The following PTPRM variants were observed in gnomAD, a reference collection of about 807,000 sequenced individuals.
PTPRM encodes the protein receptor-type tyrosine-protein phosphatase mu.
A neutral mutation model predicts 186.7 loss-of-function variants in PTPRM; 47 were observed. The ratio of observed to expected loss-of-function variants is 0.25; its 90% CI spans 0.20 to 0.32. PTPRM has a LOEUF of 0.32. Ranked by LOEUF, PTPRM falls within the 10% of genes least tolerant of loss-of-function variation. The probability of loss-of-function intolerance (pLI) is 1.00; values close to 1 mark genes in which losing one functional copy is unlikely to be tolerated. For synonymous variants in PTPRM, 668 were observed against 674.9 expected (o/e 0.99, Z 0.16); for missense variants, 1,494 against 1,865.0 (o/e 0.80, Z 3.66).
intron 7 of PTPRM, among the ~76,000 whole-genome samples, chr18:8,017,550 T>C (rs1278654176): frequency 8.8e-6 from 1 of 113,998 alleles, no homozygotes; most frequent in African/African-American, 3.5e-5. Context: ...GCAACTGCAC[T>C]CCAACCTGGG....
chr18:8,228,676 C>A (rs77781531), intron 14 of PTPRM, among the ~76,000 whole-genome samples: 1 of 82,168 alleles, frequency 1.2e-5, no homozygotes, highest in Non-Finnish European at 2.7e-5. Flanking sequence ...CCAAACTCTA[C>A]TAAAAAAAAA....
chr18:7,948,996 T>G (rs1019365230), intron 5 of PTPRM, among the ~76,000 whole-genome samples, 185 bp from the exon 6 acceptor site: 2 of 152,198 alleles, frequency 1.3e-5, no homozygotes, highest in Non-Finnish European at 2.9e-5. Context: ...CTTTAAGGTG[T>G]TGATCATGGC....
At position 8,122,797 on chromosome 18, in the gene PTPRM, C is replaced by T. The variant is rs1466496024; in HGVS notation, c.2167+7970C>T. On this transcript the variant is annotated intron_variant, in intron 13 of 32. Coordinates refer to ENST00000580170, the MANE Select transcript of PTPRM (RefSeq NM_001105244.2). Reference sequence around the variant, plus strand: ...CTGCCAGTAGTATTAAACGAAGCCCCCCAAAGGTGTTTAGGGTGGCAGTGT... The same window carrying T: ...CTGCCAGTAGTATTAAACGAAGCCCTCCAAAGGTGTTTAGGGTGGCAGTGT... Among the ~76,000 whole-genome samples the T allele has an allele frequency of 1.3e-5, 2 of 152,138 alleles. 1 individual carries two copies.
intron 2 of PTPRM, among the ~76,000 whole-genome samples, chr18:7,787,272 G>A (rs1161984702): frequency 1.3e-5 from 2 of 152,190 alleles, no homozygotes; most frequent in East Asian, 3.9e-4. Flanking sequence ...TAGACCCCAT[G>A]AAGAGTCAGG....
At chr18:8,353,606 A>G (rs188797361) in intron 23 of PTPRM, among the ~76,000 whole-genome samples, 49 of 152,256 alleles carry the variant, frequency 3.2e-4, no homozygotes, top group African/African-American at 1.2e-3. Flanking sequence ...TTGGGTTGCT[A>G]TAAAGGATAT....
intron 14 of PTPRM, among the ~76,000 whole-genome samples, chr18:8,161,741 G>A (rs551645325): frequency 3.3e-5 from 5 of 152,228 alleles, no homozygotes; most frequent in East Asian, 3.9e-4. Context: ...AAAGGACAAC[G>A]GATCATTTCC....
intron 2 of PTPRM, among the ~76,000 whole-genome samples, chr18:7,779,540 T>C (rs2042755552): frequency 6.6e-6 from 1 of 152,222 alleles, no homozygotes. Context: ...GGAAGATGGA[T>C]TGACAGACAA....
chr18:7,591,802 G>A (rs2037132975), intron 1 of PTPRM, among the ~76,000 whole-genome samples: 1 of 152,182 alleles, frequency 6.6e-6, no homozygotes, highest in Non-Finnish European at 1.5e-5. Context: ...GAAATATACT[G>A]ACTTTTATGA....
chr18:8,122,823 T>C, intron 13 of PTPRM, among the ~76,000 whole-genome samples: 1 of 152,204 alleles, frequency 6.6e-6, no homozygotes, highest in East Asian at 1.9e-4. Context: ...GTGGCAGTGT[T>C]CTAACAGCTT....
intron 14 of PTPRM, among the ~76,000 whole-genome samples, chr18:8,219,325 G>A (rs2094127222): frequency 6.6e-6 from 1 of 152,066 alleles, no homozygotes; most frequent in African/African-American, 2.4e-5. Flanking sequence ...AAATTAGCCG[G>A]GCGTGGTGGA....
At chr18:7,657,887 TC>T (rs2038888267) in intron 1 of PTPRM, among the ~76,000 whole-genome samples, 1 of 152,190 alleles carries the variant, frequency 6.6e-6, no homozygotes, top group Non-Finnish European at 1.5e-5. Context: ...CCTTTCATTC[TC>T]CCTCCCCTCC....
In PTPRM at chr18:7,869,659, C is replaced by G. The variant is rs555093106; in HGVS notation, c.197-18447C>G. Among the ~76,000 whole-genome samples the G allele has an allele frequency of 7.9e-5, 12 of 152,254 alleles. No individual in the cohort carries two copies. The East Asian group carries it at 1.5e-3, about 20-fold the overall frequency. ...CCTGTTCGGCCATCTTGCCAGCCAT[C>G]GATCAGTTTTTTAGATTTTTAAGCT... On this transcript the variant is annotated intron_variant, in intron 2 of 32. Transcript: ENST00000580170.
rs1183897922 is a variant in PTPRM at position 7,668,329 on chromosome 18, G to A, written c.73+100438G>A. ...CCACTTCTGTCACTTACCACCCACA[G>A]CCTTTTCTCTCTCAGCCCAGAGCAG... On this transcript the variant is annotated intron_variant, in intron 1 of 32. Coordinates refer to ENST00000580170, the MANE Select transcript of PTPRM (RefSeq NM_001105244.2). The surrounding 1 kb of genome is among the most constrained non-coding windows in gnomAD (Gnocchi z 4.7). Among the ~76,000 whole-genome samples, 1 of 152,160 alleles carries A rather than the reference G, an allele frequency of 6.6e-6. No homozygotes were observed. The highest frequency in any genetic ancestry group is 6.5e-5 in the Admixed American group (1 of 15,282).
rs149422389 is a variant in PTPRM at position 7,762,364 on chromosome 18, C to T, written c.74-11785C>T. The stretch of plus-strand genomic sequence containing the variant: ...ACAAGTGCTGAACAGGTGCAGGGAC[C>T]GCATGAGCATAGGGGTAGCATATGG... On this transcript the variant is annotated intron_variant, in intron 1 of 32. Coordinates refer to ENST00000580170, the MANE Select transcript of PTPRM (RefSeq NM_001105244.2). Among the ~76,000 whole-genome samples, 17 of 151,802 alleles carry T rather than the reference C, an allele frequency of 1.1e-4. No homozygotes were observed. In the East Asian group the frequency reaches 2.3e-3, roughly 21 times the overall value.
intron 4 of PTPRM, among the ~76,000 whole-genome samples, chr18:7,925,595 AAGGCGTGACAGATGCATTCTGGTT>A (rs1252743654): frequency 1.3e-5 from 2 of 152,150 alleles, no homozygotes; most frequent in Non-Finnish European, 2.9e-5. Flanking sequence ...AAAAGCTGGC[AAGGCGTGACAGATGCATTCTGGTT>A]ATTATCCAGA....
intron 14 of PTPRM, among the ~76,000 whole-genome samples, chr18:8,174,696 T>TA (rs980129824): frequency 2.7e-4 from 41 of 152,050 alleles, no homozygotes; most frequent in Non-Finnish European, 5.3e-4. Flanking sequence ...ATACTTTTTT[T>TA]AAAAAAAATC....
chr18:8,314,426 A>G (rs982934030), intron 20 of PTPRM, among the ~76,000 whole-genome samples: 3 of 152,186 alleles, frequency 2.0e-5, no homozygotes, highest in African/African-American at 7.2e-5. Context: ...AGCCTTCAAC[A>G]TCTCAGGGTT....
At chr18:8,038,074 C>G (rs769643909) in intron 7 of PTPRM, among the ~76,000 whole-genome samples, 1 of 152,028 alleles carries the variant, frequency 6.6e-6, no homozygotes, top group Non-Finnish European at 1.5e-5. Context: ...GGTGCATATT[C>G]AATTATTATT....
At chr18:8,181,094 AG>A (rs1437155762) in intron 14 of PTPRM, among the ~76,000 whole-genome samples, 3 of 152,212 alleles carry the variant, frequency 2.0e-5, no homozygotes, top group Non-Finnish European at 4.4e-5. Flanking sequence ...AGCCAAATTT[AG>A]TTTAGTTAAC....
Sources: gnomAD v4.1 joint callset for allele counts (sites outside exome capture counted in the v4.1 genomes callset) on GRCh38, gnomAD v4.1.1 for gene constraint, Gnocchi (gnomAD v3.1) non-coding constraint, MANE v1.5 for transcripts, NCBI Gene and HGNC (gene_info 2026-07-23, HGNC 2026-07-21) for gene names.